The following VAV3 variants were observed in gnomAD, a reference collection of about 807,000 sequenced individuals.
VAV3 encodes the protein guanine nucleotide exchange factor VAV3.
In VAV3, 94 loss-of-function variants were observed where a neutral mutation model predicts 131.2. The ratio of observed to expected loss-of-function variants is 0.72; its 90% CI spans 0.61 to 0.85. The LOEUF is 0.85. Ranked by LOEUF, VAV3 falls within the 40% of genes least tolerant of loss-of-function variation. The pLI is 0.00. For missense variants in VAV3, 939 were observed against 1,002.7 expected (o/e 0.94, Z 0.86); for synonymous variants, 349 against 342.0 (o/e 1.02, Z -0.22).
chr1:107,905,101 C>T (rs1434839127), intron 1 of VAV3, among the ~76,000 whole-genome samples: 1 of 152,016 alleles, frequency 6.6e-6, no homozygotes, highest in Non-Finnish European at 1.5e-5. Flanking sequence ...ATTATCTATC[C>T]GAAACTGTTA....
intron 25 of VAV3, among the ~76,000 whole-genome samples, chr1:107,586,894 T>C (rs1207026173): frequency 2.0e-5 from 3 of 152,120 alleles, no homozygotes; most frequent in East Asian, 1.9e-4. Flanking sequence ...AATTTCTAGA[T>C]CAATAAAAGA....
chr1:107,870,198 T>C (rs1236246974), intron 2 of VAV3, among the ~76,000 whole-genome samples: 3 of 152,296 alleles, frequency 2.0e-5, no homozygotes, highest in East Asian at 1.9e-4. Context: ...TTTAGTTCTT[T>C]AAGGAATTTC....
intron 22 of VAV3, among the ~76,000 whole-genome samples, chr1:107,607,004 G>C (rs1412555383): frequency 6.6e-6 from 1 of 150,950 alleles, no homozygotes; most frequent in African/African-American, 2.4e-5. Flanking sequence ...ACCCGGGCTG[G>C]TGTGCAGTGG....
intron 9 of VAV3, among the ~76,000 whole-genome samples, chr1:107,762,961 A>G (rs1664523163): frequency 6.6e-6 from 1 of 152,218 alleles, no homozygotes; most frequent in African/African-American, 2.4e-5. Context: ...AGATAAAGAG[A>G]TTCATCGCCC....
rs189245622 is a variant in VAV3, at chr1:107,938,244, C to T, written c.204+26422G>A. On this transcript the variant is annotated intron_variant, in intron 1 of 26. Coordinates refer to ENST00000370056, the MANE Select transcript of VAV3 (RefSeq NM_006113.5). ...AGCCAGAAAACAGGCTAACCAACTT[C>T]GAGAAATGTCCCCACCTTCTATCCT... Among the ~76,000 whole-genome samples the T allele has an allele frequency of 2.6e-3, 395 of 152,236 alleles. 1 individual carries two copies. The highest frequency in any genetic ancestry group is 8.9e-3 in the African/African-American group (368 of 41,538).
At chr1:107,913,151 A>T (rs1162984376) in intron 1 of VAV3, among the ~76,000 whole-genome samples, 1 of 152,182 alleles carries the variant, frequency 6.6e-6, no homozygotes, top group Admixed American at 6.5e-5. Context: ...ACAGCAATCC[A>T]TATCTATATT....
intron 1 of VAV3, among the ~76,000 whole-genome samples, chr1:107,903,922 C>A (rs1036106893): frequency 6.6e-6 from 1 of 152,142 alleles, no homozygotes; most frequent in African/African-American, 2.4e-5. Flanking sequence ...AACCCTCTGC[C>A]GCCTGCCTCA....
chr1:107,691,848 A>G (rs1480942770), intron 17 of VAV3, among the ~76,000 whole-genome samples: 1 of 152,158 alleles, frequency 6.6e-6, no homozygotes. Flanking sequence ...GCCAGCACAG[A>G]GTTCAATGTG....
chr1:107,904,985 G>C (rs1475840220), intron 1 of VAV3, among the ~76,000 whole-genome samples: 2 of 152,152 alleles, frequency 1.3e-5, no homozygotes, highest in African/African-American at 4.8e-5. Context: ...ATATCTGAGG[G>C]ATAAGCATTC....
At chr1:107,682,085 C>G (rs565037307) in intron 19 of VAV3, among the ~76,000 whole-genome samples, 36 of 152,248 alleles carry the variant, frequency 2.4e-4, no homozygotes, top group Middle Eastern at 3.4e-3. Flanking sequence ...AAAGCCATCA[C>G]CTTTAGGATA....
chr1:107,843,262 G>A (rs1368575488), intron 2 of VAV3, among the ~76,000 whole-genome samples: 2 of 151,178 alleles, frequency 1.3e-5, no homozygotes, highest in Non-Finnish European at 1.5e-5. Flanking sequence ...TAAACCTTTG[G>A]TGCTTCAGTT....
chr1:107,843,235 C>T (rs74491891), intron 2 of VAV3, among the ~76,000 whole-genome samples: 12,050 of 151,758 alleles, frequency 0.079, 803 homozygotes, highest in African/African-American at 0.18. Flanking sequence ...AAACACACAT[C>T]CTGAGTAAGT....
chr1:107,739,692 A>G (rs916172328), intron 15 of VAV3, among the ~76,000 whole-genome samples: 1 of 152,258 alleles, frequency 6.6e-6, no homozygotes, highest in Non-Finnish European at 1.5e-5. Context: ...ATATACAGAC[A>G]GTTTATAGAC....
At chr1:107,680,191 C>T (rs762720615) in intron 19 of VAV3, among the ~76,000 whole-genome samples, 3 of 151,578 alleles carry the variant, frequency 2.0e-5, no homozygotes, top group South Asian at 2.1e-4. Context: ...TTTTTCTTTG[C>T]TTCTTTATTG....
At chr1:107,606,411 T>C (rs995268188) in intron 22 of VAV3, among the ~76,000 whole-genome samples, 2 of 152,198 alleles carry the variant, frequency 1.3e-5, no homozygotes, top group African/African-American at 4.8e-5. Context: ...TTCGTGATAA[T>C]GTGTTTTTTA....
chr1:107,875,455 G>A (rs1670450528), intron 1 of VAV3, among the ~76,000 whole-genome samples: 1 of 152,078 alleles, frequency 6.6e-6, no homozygotes, highest in Non-Finnish European at 1.5e-5. Context: ...AGGTGCAAAA[G>A]GAGCAAGCCA....
chr1:107,656,496 G>A (rs1335133637), intron 19 of VAV3, among the ~76,000 whole-genome samples: 5 of 152,106 alleles, frequency 3.3e-5, no homozygotes, highest in Non-Finnish European at 5.9e-5. Flanking sequence ...AGATTAATGG[G>A]TACAAATATA....
At chr1:107,811,313 C>T (rs2102331280) in intron 2 of VAV3, among the ~76,000 whole-genome samples, 1 of 147,346 alleles carries the variant, frequency 6.8e-6, no homozygotes, top group South Asian at 2.2e-4. Flanking sequence ...GAAGAATGAG[C>T]TTGACCACCA....
chr1:107,760,888 A>AT lies in VAV3; in HGVS notation c.922-10dup, dbSNP rs1557828128. On this transcript the variant is annotated splice_polypyrimidine_tract_variant and intron_variant, in intron 9 of 26. Coordinates refer to ENST00000370056, the MANE Select transcript of VAV3 (RefSeq NM_006113.5). ...GCTCTTTTGGAACATTCCTAATGAA[A>AT]TGTTTTAAAAACACTTTGTTAGGGA... 1 of 1,606,168 alleles carries AT rather than the reference A, an allele frequency of 6.2e-7. No individual in the cohort carries two copies. Among genetic ancestry groups the AT allele is most frequent in the East Asian group, 2.2e-5 (1 of 44,742 alleles).
Sources: gnomAD v4.1 joint callset for allele counts (sites outside exome capture counted in the v4.1 genomes callset) on GRCh38, gnomAD v4.1.1 for gene constraint, MANE v1.5 for transcripts, NCBI Gene and HGNC (gene_info 2026-07-23, HGNC 2026-07-21) for gene names.